MYT1L: variants seen among roughly 807,000 people sequenced by gnomAD.
The protein encoded by MYT1L is myelin transcription factor 1 like, also known as myelin transcription factor 1-like protein.
Under a neutral mutation model 126.7 loss-of-function variants are expected in MYT1L, and 12 were observed. That is an observed-to-expected ratio of 0.09 (90% CI 0.06 to 0.15). MYT1L has a LOEUF of 0.15. Among genes scored for constraint, MYT1L ranks in the 10% least tolerant of loss-of-function variants. MYT1L has a pLI of 1.00. For missense variants in MYT1L, 979 were observed against 1,585.2 expected (o/e 0.62, Z 6.49); for synonymous variants, 541 against 604.2 (o/e 0.90, Z 1.53).
At chr2:1,952,677 C>T (rs1179952077) in intron 8 of MYT1L, among the ~76,000 whole-genome samples, 2 of 139,960 alleles carry the variant, frequency 1.4e-5, no homozygotes, top group South Asian at 4.7e-4. Flanking sequence ...ACCAACAATG[C>T]TCCTTTGTCC....
At chr2:2,244,727 A>AGATGT (rs2094500764) in intron 2 of MYT1L, among the ~76,000 whole-genome samples, 1 of 152,192 alleles carries the variant, frequency 6.6e-6, no homozygotes, top group Admixed American at 6.5e-5. Context: ...TGACTTGATA[A>AGATGT]GATGTGGCCC....
chr2:1,959,591 C>T (rs1158607758), intron 8 of MYT1L, among the ~76,000 whole-genome samples: 1 of 152,216 alleles, frequency 6.6e-6, no homozygotes, highest in Admixed American at 6.5e-5. Flanking sequence ...AATTCTATAG[C>T]TCCTTCAAAG....
At chr2:2,060,843 T>C (rs2070353852) in intron 3 of MYT1L, among the ~76,000 whole-genome samples, 1 of 150,722 alleles carries the variant, frequency 6.6e-6, no homozygotes, top group Admixed American at 6.6e-5. Flanking sequence ...TCTCTCTCTT[T>C]CCCTCTCTCT....
intron 4 of MYT1L, among the ~76,000 whole-genome samples, chr2:2,045,039 G>A (rs921223777): frequency 1.3e-5 from 2 of 152,178 alleles, no homozygotes; most frequent in Non-Finnish European, 2.9e-5. Context: ...TGTAAATGAG[G>A]AGCAATGGCA....
At chr2:2,240,911 A>G (rs2094427522) in intron 2 of MYT1L, among the ~76,000 whole-genome samples, 1 of 152,204 alleles carries the variant, frequency 6.6e-6, no homozygotes. Flanking sequence ...GTTCAGAACC[A>G]CAATCAGAAT....
chr2:2,189,270 G>A (rs565488699), intron 2 of MYT1L, among the ~76,000 whole-genome samples: 2 of 152,192 alleles, frequency 1.3e-5, no homozygotes, highest in African/African-American at 2.4e-5. Flanking sequence ...TGTTCTCCTG[G>A]AGCAGTTCCC....
At chr2:2,294,279 A>G (rs1446035496) in intron 1 of MYT1L, among the ~76,000 whole-genome samples, 2 of 152,104 alleles carry the variant, frequency 1.3e-5, no homozygotes, top group African/African-American at 4.8e-5. Flanking sequence ...TGGTGAGGGG[A>G]GCCCCTGGCA....
intron 4 of MYT1L, among the ~76,000 whole-genome samples, chr2:2,008,870 G>A (rs987266872): frequency 1.3e-5 from 2 of 152,006 alleles, no homozygotes; most frequent in African/African-American, 4.8e-5. Flanking sequence ...TAATGTATAA[G>A]ACAAGGATCC....
At chr2:1,874,194 T>C (rs2046599060) in intron 18 of MYT1L, among the ~76,000 whole-genome samples, 1 of 150,424 alleles carries the variant, frequency 6.6e-6, no homozygotes, top group African/African-American at 2.5e-5. Flanking sequence ...AACGCTCTTT[T>C]TTTTTTTTCC....
intron 4 of MYT1L, among the ~76,000 whole-genome samples, chr2:2,006,130 G>A (rs979184008): frequency 6.6e-6 from 1 of 151,936 alleles, no homozygotes; most frequent in Non-Finnish European, 1.5e-5. Flanking sequence ...GTTGTTTCCT[G>A]CACGTGTTCT....
chr2:2,262,915 AATATATATATATATATAACCTGTGAT>A (rs2095014767), intron 2 of MYT1L, among the ~76,000 whole-genome samples: 1 of 62,490 alleles, frequency 1.6e-5, no homozygotes, highest in African/African-American at 6.8e-5. Flanking sequence ...GAGAGGCACA[AATATATATATATATATAACCTGTGAT>A]ATATATATAT....
chr2:2,314,429 T>G lies in MYT1L; in HGVS notation c.-521+16538A>C, dbSNP rs549877111. The stretch of plus-strand genomic sequence containing the variant: ...CATAGTAATATAGAAGGCCTGGTCC[T>G]TTTTCCCCATGTATCCAAATTAAAC... On this transcript the variant is annotated intron_variant, in intron 1 of 24. Coordinates refer to ENST00000647738, the MANE Select transcript of MYT1L (RefSeq NM_001303052.2). 2.0e-5 allele frequency among the ~76,000 whole-genome samples: 3 copies of G among 152,318 alleles called. No homozygotes were observed. The South Asian group carries it at 6.2e-4, about 32-fold the overall frequency.
intron 4 of MYT1L, among the ~76,000 whole-genome samples, chr2:2,030,683 T>C (rs2066135655): frequency 6.6e-6 from 1 of 152,172 alleles, no homozygotes; most frequent in African/African-American, 2.4e-5. Flanking sequence ...GAGTGACAAA[T>C]GCAGTTTTCT....
chr2:2,103,368 G>T (rs561367215), intron 3 of MYT1L, among the ~76,000 whole-genome samples: 1 of 152,298 alleles, frequency 6.6e-6, no homozygotes, highest in South Asian at 2.1e-4. Flanking sequence ...ACCACCATGA[G>T]ATTCTAGATC....
At chr2:2,139,463 A>G (rs1424858812) in intron 3 of MYT1L, among the ~76,000 whole-genome samples, 2 of 151,706 alleles carry the variant, frequency 1.3e-5, no homozygotes, top group Non-Finnish European at 2.9e-5. Context: ...CTACTAAAAA[A>G]AAAATATATG....
chr2:2,256,333 A>G (rs973694640), intron 2 of MYT1L, among the ~76,000 whole-genome samples: 1 of 152,264 alleles, frequency 6.6e-6, no homozygotes, highest in Non-Finnish European at 1.5e-5. Context: ...AAAGTGAATA[A>G]GGGTTTCAGA....
chr2:1,878,256 T>C (rs1401315290), intron 18 of MYT1L, among the ~76,000 whole-genome samples: 2 of 152,162 alleles, frequency 1.3e-5, no homozygotes, highest in African/African-American at 4.8e-5. Flanking sequence ...ATTCTGAAAA[T>C]GGTAACACTG....
intron 18 of MYT1L, among the ~76,000 whole-genome samples, chr2:1,874,693 C>T (rs1371347942): frequency 6.6e-6 from 1 of 152,202 alleles, no homozygotes; most frequent in African/African-American, 2.4e-5. Flanking sequence ...CCACGTCCCT[C>T]TGCCCGTGCC....
At chr2:2,092,855 A>C (rs1223022459) in intron 3 of MYT1L, among the ~76,000 whole-genome samples, 1 of 152,206 alleles carries the variant, frequency 6.6e-6, no homozygotes, top group Non-Finnish European at 1.5e-5. Context: ...CAGACCTTGA[A>C]AAAGACCCTT....
Sources: allele counts gnomAD v4.1 joint callset (sites outside exome capture counted in the v4.1 genomes callset), GRCh38; gene constraint gnomAD v4.1.1; transcripts MANE v1.5; gene names NCBI Gene and HGNC (gene_info 2026-07-23, HGNC 2026-07-21).